TBC1D22A: variants seen among roughly 807,000 people sequenced by gnomAD.
TBC1D22A encodes the protein putative GTPase activator.
In TBC1D22A, 38 loss-of-function variants were observed where a neutral mutation model predicts 60.2. The ratio of observed to expected loss-of-function variants is 0.63; its 90% CI spans 0.49 to 0.83. The LOEUF is 0.83. Among genes scored for constraint, TBC1D22A ranks in the 40% least tolerant of loss-of-function variants. The pLI is 0.00. For missense variants in TBC1D22A, 628 were observed against 701.0 expected (o/e 0.90, Z 1.18); for synonymous variants, 302 against 281.7 (o/e 1.07, Z -0.72).
chr22:46,934,958 A>T (rs948633720), intron 8 of TBC1D22A, among the ~76,000 whole-genome samples: 16 of 152,168 alleles, frequency 1.1e-4, no homozygotes, highest in Non-Finnish European at 2.4e-4. Context: ...AGTCTCCTTT[A>T]GAAAGCTGTT....
chr22:46,867,349 A>C (rs2067104640), intron 4 of TBC1D22A, among the ~76,000 whole-genome samples: 1 of 152,118 alleles, frequency 6.6e-6, no homozygotes, highest in Non-Finnish European at 1.5e-5. Flanking sequence ...CTGGGCTGTG[A>C]CTCTGTGTTC....
chr22:46,861,617 C>T (rs961695362), intron 4 of TBC1D22A, among the ~76,000 whole-genome samples: 7 of 152,224 alleles, frequency 4.6e-5, no homozygotes, highest in African/African-American at 1.4e-4. Context: ...CCTGGGCCAG[C>T]GGTGCCCATG....
intron 11 of TBC1D22A, among the ~76,000 whole-genome samples, chr22:47,084,572 C>T (rs566553364): frequency 6.6e-6 from 1 of 152,270 alleles, no homozygotes; most frequent in East Asian, 1.9e-4. Flanking sequence ...AAAATGTGCA[C>T]GCGGATTCCT....
chr22:47,111,470 C>G (rs372131471), intron 11 of TBC1D22A, 38 bp from the exon 12 acceptor site: 1 of 1,580,220 alleles, frequency 6.3e-7, no homozygotes, highest in African/African-American at 1.4e-5. Flanking sequence ...ATGGGTCACG[C>G]GTTACAATTT....
At chr22:46,851,015 GGAGT>G (rs1297759128) in intron 4 of TBC1D22A, among the ~76,000 whole-genome samples, 8 of 152,182 alleles carry the variant, frequency 5.3e-5, no homozygotes, top group Non-Finnish European at 8.8e-5. Flanking sequence ...GTGGGGCTGA[GGAGT>G]GACAGTGAAC....
At chr22:46,773,257 G>C (rs2083565936) in intron 1 of TBC1D22A, among the ~76,000 whole-genome samples, 1 of 152,212 alleles carries the variant, frequency 6.6e-6, no homozygotes, top group Non-Finnish European at 1.5e-5. Flanking sequence ...CTGTCACAGG[G>C]TGGGGAATGT....
At chr22:47,031,554 G>A (rs565174949) in intron 10 of TBC1D22A, among the ~76,000 whole-genome samples, 2 of 152,376 alleles carry the variant, frequency 1.3e-5, no homozygotes, top group East Asian at 3.9e-4. Flanking sequence ...CCTGAGGAGG[G>A]TGGGTGGCTC....
At chr22:47,006,460 G>T (rs575545778) in intron 10 of TBC1D22A, among the ~76,000 whole-genome samples, 1 of 152,276 alleles carries the variant, frequency 6.6e-6, no homozygotes, top group East Asian at 1.9e-4. Context: ...GAGGTTGACC[G>T]CCCTGTAGTT....
At chr22:47,038,606 C>G (rs2062734969) in intron 11 of TBC1D22A, among the ~76,000 whole-genome samples, 1 of 152,222 alleles carries the variant, frequency 6.6e-6, no homozygotes, top group Admixed American at 6.5e-5. Flanking sequence ...TGTGAGTCAT[C>G]TAGAACAGTG....
intron 7 of TBC1D22A, among the ~76,000 whole-genome samples, chr22:46,910,165 G>C (rs1362040846): frequency 6.6e-6 from 1 of 152,146 alleles, no homozygotes. Flanking sequence ...CATTCCACCC[G>C]CGTCTCTCAG....
chr22:46,946,448 C>A (rs2072548560), intron 8 of TBC1D22A, among the ~76,000 whole-genome samples: 1 of 152,208 alleles, frequency 6.6e-6, no homozygotes, highest in Non-Finnish European at 1.5e-5. Context: ...TCCTTCTTGT[C>A]TAAAGGGTGG....
At chr22:47,046,262 A>T (rs930739010) in intron 11 of TBC1D22A, among the ~76,000 whole-genome samples, 3 of 152,024 alleles carry the variant, frequency 2.0e-5, no homozygotes, top group Non-Finnish European at 2.9e-5. Flanking sequence ...TCGGTAGTGG[A>T]GTGGTCCCTG....
intron 8 of TBC1D22A, among the ~76,000 whole-genome samples, chr22:46,958,633 G>C (rs1032300794): frequency 6.6e-6 from 1 of 152,210 alleles, no homozygotes; most frequent in South Asian, 2.1e-4. Context: ...TAAGCGTTTT[G>C]TAGCAGGGCG....
chr22:46,801,191 C>G (rs2084881097), intron 4 of TBC1D22A, among the ~76,000 whole-genome samples: 1 of 152,104 alleles, frequency 6.6e-6, no homozygotes. Context: ...GCAGAGCTTT[C>G]AAAGTTAAAC....
rs573531696 is a variant in TBC1D22A, at chr22:46,861,762, C to T, written c.638-16891C>T. On this transcript the variant is annotated intron_variant, in intron 4 of 12. Transcript: ENST00000337137. ...CGGCCGCACTGGGGCTCTGAGCAGT[C>T]GTCTTGGCCATGGCTGACAGTGGGG... Among the ~76,000 whole-genome samples, 3 of 152,358 alleles carry T rather than the reference C, an allele frequency of 2.0e-5. No individual in the cohort carries two copies. The South Asian group carries it at 6.2e-4, about 32-fold the overall frequency.
chr22:47,070,229 C>G (rs1427714611), intron 11 of TBC1D22A, among the ~76,000 whole-genome samples: 2 of 150,662 alleles, frequency 1.3e-5, no homozygotes, highest in Non-Finnish European at 3.0e-5. Flanking sequence ...TGGAGCGGAG[C>G]TGACCTGACG....
At chr22:46,956,228 A>G (rs1164193176) in intron 8 of TBC1D22A, among the ~76,000 whole-genome samples, 2 of 152,126 alleles carry the variant, frequency 1.3e-5, no homozygotes, top group Admixed American at 6.5e-5. Context: ...TAAAGAGGTA[A>G]TAAAGATAAA....
intron 8 of TBC1D22A, among the ~76,000 whole-genome samples, chr22:46,919,485 A>G (rs772747660): frequency 2.6e-5 from 4 of 152,206 alleles, no homozygotes; most frequent in Non-Finnish European, 5.9e-5. Context: ...AACAGGAATA[A>G]CGTTGCTATG....
chr22:47,062,511 T>TGGTG (rs1488063831), intron 11 of TBC1D22A, among the ~76,000 whole-genome samples: 1 of 152,160 alleles, frequency 6.6e-6, no homozygotes, highest in Non-Finnish European at 1.5e-5. Context: ...ATACGGTGCA[T>TGGTG]GGTGGTTCCT....
Sources: allele counts gnomAD v4.1 joint callset (sites outside exome capture counted in the v4.1 genomes callset), GRCh38; gene constraint gnomAD v4.1.1; transcripts MANE v1.5; gene names NCBI Gene and HGNC (gene_info 2026-07-23, HGNC 2026-07-21).